Variants in TMEM132D observed in about 807,000 individuals in gnomAD.
TMEM132D encodes the protein mature OL transmembrane protein.
TMEM132D carries 21 observed loss-of-function variants against 62.3 expected under a neutral mutation model. That is an observed-to-expected ratio of 0.34 (90% CI 0.24 to 0.49). TMEM132D has a LOEUF of 0.49. Ranked by LOEUF, TMEM132D falls within the 20% of genes least tolerant of loss-of-function variation. The probability of loss-of-function intolerance (pLI) is 0.99; values close to 1 mark genes in which losing one functional copy is unlikely to be tolerated. For missense variants in TMEM132D, 1,346 were observed against 1,402.8 expected, an observed-to-expected ratio of 0.96 and a Z score of 0.65; for synonymous variants, 621 against 575.6, an observed-to-expected ratio of 1.08 and a Z score of -1.13.
At chr12:129,497,647 G>A (rs932800689) in intron 3 of TMEM132D, among the ~76,000 whole-genome samples, 2 of 151,986 alleles carry the variant, frequency 1.3e-5, no homozygotes, top group Non-Finnish European at 2.9e-5. Flanking sequence ...GCTTATTAGA[G>A]CAATCCTGTT....
chr12:129,512,044 T>C (rs754432418), intron 3 of TMEM132D, among the ~76,000 whole-genome samples: 1 of 152,230 alleles, frequency 6.6e-6, no homozygotes, highest in Non-Finnish European at 1.5e-5. Flanking sequence ...TTTGTTCTTC[T>C]GTTTTTTGTT....
chr12:129,378,503 C>T (rs888861368), intron 3 of TMEM132D, among the ~76,000 whole-genome samples: 3 of 152,124 alleles, frequency 2.0e-5, no homozygotes, highest in Non-Finnish European at 4.4e-5. Flanking sequence ...TAGGGGGAAC[C>T]TGAGATGAAT....
intron 5 of TMEM132D, among the ~76,000 whole-genome samples, chr12:129,167,618 G>A (rs1877604470): frequency 6.6e-6 from 1 of 151,940 alleles, no homozygotes; most frequent in Admixed American, 6.6e-5. Flanking sequence ...GGTGCTTCTT[G>A]ATTTATCATT....
At chr12:129,649,171 C>T (rs751701213) in intron 2 of TMEM132D, among the ~76,000 whole-genome samples, 7 of 152,334 alleles carry the variant, frequency 4.6e-5, no homozygotes, top group Non-Finnish European at 5.9e-5. Context: ...TCAGGATTCA[C>T]ACTCAGATCT....
At chr12:129,575,506 A>C (rs115391629) in intron 2 of TMEM132D, among the ~76,000 whole-genome samples, 3,701 of 151,978 alleles carry the variant, frequency 0.024, 252 homozygotes, top group African/African-American at 0.084. Flanking sequence ...TAAGGTAAAC[A>C]AACCGGGTAT....
intron 3 of TMEM132D, among the ~76,000 whole-genome samples, chr12:129,524,698 C>A (rs960715582): frequency 1.3e-5 from 2 of 151,668 alleles, no homozygotes; most frequent in African/African-American, 4.8e-5. Context: ...ATCTTATTAG[C>A]CAGATACTGA....
chr12:129,461,551 TC>T (rs1197954309), intron 3 of TMEM132D, among the ~76,000 whole-genome samples: 1 of 152,136 alleles, frequency 6.6e-6, no homozygotes, highest in Admixed American at 6.5e-5. Flanking sequence ...TGATCTAGGA[TC>T]TCATCATTGT....
At chr12:129,729,954 G>A (rs2001669) in intron 1 of TMEM132D, among the ~76,000 whole-genome samples, 21,843 of 151,852 alleles carry the variant, frequency 0.14, 1,733 homozygotes, top group South Asian at 0.25. Flanking sequence ...ACTTTGTAAC[G>A]TCCATCCCCT....
At chr12:129,580,315 A>G (rs980990753) in intron 2 of TMEM132D, among the ~76,000 whole-genome samples, 1 of 152,274 alleles carries the variant, frequency 6.6e-6, no homozygotes, top group African/African-American at 2.4e-5. Context: ...AAGCCTGTAC[A>G]GGACTGGTCA....
At chr12:129,719,671 G>A (rs1038256074) in intron 1 of TMEM132D, among the ~76,000 whole-genome samples, 4 of 152,214 alleles carry the variant, frequency 2.6e-5, no homozygotes, top group Admixed American at 2.0e-4. Flanking sequence ...TTGAAAATGA[G>A]TCAGTAAATT....
rs570788039 is a variant in TMEM132D at position 129,126,350 on chromosome 12, TTC to T, written c.1444-41650_1444-41649del. On this transcript the variant is annotated intron_variant, in intron 5 of 8. Transcript: ENST00000422113. ...ATCACTTTCATTCTCTTGCCTCAGT[TTC>T]TCTCTCTTTTTTTTTTTTTTTAGCA... Among the ~76,000 whole-genome samples the T allele has an allele frequency of 4.4e-4, 65 of 147,294 alleles. 3 individuals are homozygous for T. Among genetic ancestry groups the T allele is most frequent in the African/African-American group, 8.2e-4 (31 of 37,870 alleles).
At chr12:129,174,378 T>C (rs1877838371) in intron 5 of TMEM132D, among the ~76,000 whole-genome samples, 1 of 152,216 alleles carries the variant, frequency 6.6e-6, no homozygotes, top group Non-Finnish European at 1.5e-5. Flanking sequence ...GGTTTCCAGC[T>C]TCATCTATGT....
At chr12:129,597,181 GATCCACAGACACAGA>G (rs1565917262) in intron 2 of TMEM132D, among the ~76,000 whole-genome samples, 1 of 152,056 alleles carries the variant, frequency 6.6e-6, no homozygotes. Flanking sequence ...CAGTTGGTTG[GATCCACAGACACAGA>G]ACCCACAGAC....
chr12:129,336,936 A>G (rs1869301201), intron 4 of TMEM132D, among the ~76,000 whole-genome samples: 1 of 152,192 alleles, frequency 6.6e-6, no homozygotes, highest in African/African-American at 2.4e-5. Context: ...AGAACCACTG[A>G]GAGTCCAAAG....
intron 5 of TMEM132D, among the ~76,000 whole-genome samples, chr12:129,099,825 A>T (rs1188967779): frequency 8.1e-6 from 1 of 123,462 alleles, no homozygotes; most frequent in Non-Finnish European, 1.5e-5. Context: ...TATTTTTTTT[A>T]TTTTTATTTT....
At chr12:129,441,121 G>A (rs1163886984) in intron 3 of TMEM132D, among the ~76,000 whole-genome samples, 1 of 152,140 alleles carries the variant, frequency 6.6e-6, no homozygotes, top group African/African-American at 2.4e-5. Flanking sequence ...GATGCTGGAT[G>A]TTCACTAAGA....
chr12:129,768,846 C>T (rs1459744084), intron 1 of TMEM132D, among the ~76,000 whole-genome samples: 4 of 152,226 alleles, frequency 2.6e-5, no homozygotes, highest in Non-Finnish European at 5.9e-5. Context: ...TTCTTACATA[C>T]ATCAGGTGAT....
At chr12:129,823,508 C>T (rs1414465031) in intron 1 of TMEM132D, among the ~76,000 whole-genome samples, 9 of 152,254 alleles carry the variant, frequency 5.9e-5, no homozygotes, top group Admixed American at 5.9e-4. Context: ...AAGGGCCAGC[C>T]TTGCCAGCAG....
intron 2 of TMEM132D, 22 bp from the exon 3 acceptor site, chr12:129,531,227 G>T (rs888565953): frequency 1.9e-6 from 3 of 1,592,610 alleles, no homozygotes; most frequent in South Asian, 2.2e-5. Flanking sequence ...AGCACGTGTG[G>T]GTCTGAGTCA....
Sources: gnomAD v4.1 joint callset for allele counts (sites outside exome capture counted in the v4.1 genomes callset) on GRCh38, gnomAD v4.1.1 for gene constraint, MANE v1.5 for transcripts, NCBI Gene and HGNC (gene_info 2026-07-23, HGNC 2026-07-21) for gene names.